The following RAB12 variants were observed in gnomAD, a reference collection of about 807,000 sequenced individuals.
The protein encoded by RAB12 is ras-related protein Rab-12.
In RAB12, 11 loss-of-function variants were observed where a neutral mutation model predicts 28.4. The ratio of observed to expected loss-of-function variants is 0.39; its 90% confidence interval spans 0.24 to 0.64. The LOEUF (loss-of-function observed/expected upper bound fraction) is 0.64. Among genes scored for constraint, RAB12 ranks in the 30% least tolerant of loss-of-function variants. The pLI is 0.50. For synonymous variants in RAB12, 138 were observed against 145.3 expected (o/e 0.95, Z 0.36); for missense variants, 276 against 351.1 (o/e 0.79, Z 1.71).
intron 1 of RAB12, among the ~76,000 whole-genome samples, chr18:8,613,705 C>T (rs921871669): frequency 1.3e-5 from 2 of 152,172 alleles, no homozygotes; most frequent in African/African-American, 4.8e-5. Context: ...CTTGCTCCAA[C>T]AGCATTGCAT....
Position 8,638,325 on chromosome 18 carries a change from C to T in RAB12, c.*63C>T. On this transcript the variant is annotated 3_prime_UTR_variant, in exon 6 of 6. Transcript: ENST00000649141. ...AAAGGGGAAAAAACGTTCTATTCTG[C>T]ACTACAATCATTTTGACAATTTCCT... The T allele has an allele frequency of 8.9e-7, 1 of 1,117,820 alleles. No individual in the cohort carries two copies. Among genetic ancestry groups the T allele is most frequent in the Non-Finnish European group, 1.3e-6 (1 of 740,848 alleles). The allele number at this position is 1,117,820 out of a possible 1,614,324, so 69.2% of individuals were successfully genotyped here. A position where few individuals can be genotyped will look rare whatever the true frequency, so the allele number is the denominator to read the frequency against.
Position 8,638,538 on chromosome 18 carries a change from G to A in RAB12, c.*276G>A, listed in dbSNP as rs551965868. ...TTCTAATATGAAGAATGGGAGAAATGAAAGGTATAATGTTTCTTGAAATAA... is the reference window on the plus strand; with the variant it reads ...TTCTAATATGAAGAATGGGAGAAATAAAAGGTATAATGTTTCTTGAAATAA... On this transcript the variant is annotated 3_prime_UTR_variant, in exon 6 of 6. Coordinates refer to ENST00000649141, the MANE Select transcript of RAB12 (RefSeq NM_001025300.3). 9.6e-6 allele frequency: 3 copies of A among 313,104 alleles called. No homozygotes were observed. Among genetic ancestry groups the A allele is most frequent in the Non-Finnish European group, 1.8e-5 (3 of 169,012 alleles). The allele number at this position is 313,104 out of a possible 1,614,324, so 19.4% of individuals were successfully genotyped here. A position where few individuals can be genotyped will look rare whatever the true frequency, so the allele number is the denominator to read the frequency against.
intron 1 of RAB12, among the ~76,000 whole-genome samples, chr18:8,612,657 G>C (rs1168511481): frequency 2.0e-5 from 3 of 152,096 alleles, no homozygotes; most frequent in Non-Finnish European, 2.9e-5. Context: ...TCCATTAAGA[G>C]CCTTTTTATT....
rs1003179039 is a variant in RAB12 at position 8,638,079 on chromosome 18, G to A, written c.910-70G>A. 5.1e-6 allele frequency: 5 copies of A among 981,338 alleles called. No homozygotes were observed. In the African/African-American group the frequency reaches 8.0e-5, roughly 16 times the overall value. The allele number at this position is 981,338 out of a possible 1,614,324, so 60.8% of individuals were successfully genotyped here. ...GTGGACCTGTGCAGTTGAAACTCAT[G>A]TTCAAGGGTCAGCTGTATGTGTACC... is the stretch of plus-strand genomic sequence containing the variant. On this transcript the variant is annotated intron_variant, in intron 5 of 5. Coordinates refer to ENST00000649141, the MANE Select transcript of RAB12 (RefSeq NM_001025300.3).
At chr18:8,625,090 CCT>C (rs2096011944) in intron 2 of RAB12, 92 bp downstream of exon 2, 6 of 776,722 alleles carry the variant, frequency 7.7e-6, no homozygotes, top group Non-Finnish European at 1.3e-5. Flanking sequence ...AGCTGATTTG[CCT>C]CTCCTACTTT....
intron 2 of RAB12, among the ~76,000 whole-genome samples, chr18:8,626,643 G>A (rs928673341): frequency 2.0e-5 from 3 of 152,210 alleles, no homozygotes; most frequent in Non-Finnish European, 4.4e-5. Flanking sequence ...GAGATAAGAG[G>A]GCCCTACCTG....
At chr18:8,624,889 A>C (rs56371226) in intron 1 of RAB12, 49 bp from the exon 2 acceptor site, 5 of 1,168,042 alleles carry the variant, frequency 4.3e-6, no homozygotes, top group Non-Finnish European at 6.4e-6. Context: ...TTGTATGACA[A>C]ATTGCATCTT....
intron 1 of RAB12, among the ~76,000 whole-genome samples, chr18:8,611,459 A>G (rs2096003757): frequency 6.6e-6 from 1 of 152,114 alleles, no homozygotes; most frequent in South Asian, 2.1e-4. Flanking sequence ...ATGGATGAGC[A>G]AAGGTGTGCT....
chr18:8,624,899 T>G, intron 1 of RAB12, 39 bp from the exon 2 acceptor site: 2 of 1,251,502 alleles, frequency 1.6e-6, no homozygotes, highest in Non-Finnish European at 2.3e-6. Flanking sequence ...AATTGCATCT[T>G]TGTTGTTTTT....
rs1485260571 is a variant in RAB12, at chr18:8,609,630, C to T, written c.191C>T (p.Pro64Leu). ...GAAGCCGAGCCCGGGGCCGACCCCCCGCGCGCGGCGGAGGCCGAGGGGGCG... is the reference window on the plus strand; with the variant it reads ...GAAGCCGAGCCCGGGGCCGACCCCCTGCGCGCGGCGGAGGCCGAGGGGGCG... Reference protein sequence around the residue: ...RAEAEPGADPPRAAEAEGAPG... With the variant: ...RAEAEPGADPLRAAEAEGAPG... The change falls in exon 1 of 6, where the codon CCG becomes CTG. Residue 64 changes from proline to leucine, a missense_variant. Pro to Leu is a moderately conservative substitution (Grantham distance 98). Transcript: ENST00000649141. 5.6e-6 allele frequency: 3 copies of T among 538,854 alleles called. No individual in the cohort carries two copies. Among genetic ancestry groups the T allele is most frequent in the Non-Finnish European group, 7.1e-6 (3 of 424,748 alleles). The allele number at this position is 538,854 out of a possible 1,614,324, so 33.4% of individuals were successfully genotyped here.
chr18:8,614,019 C>A (rs187436831), intron 1 of RAB12, among the ~76,000 whole-genome samples: 8 of 152,258 alleles, frequency 5.3e-5, no homozygotes, highest in South Asian at 2.1e-4. Context: ...GTGGTCAGGG[C>A]CAAGGGCTGC....
At chr18:8,633,349 C>T (rs1209572563) in intron 3 of RAB12, 22 bp downstream of exon 3, 18 of 1,612,188 alleles carry the variant, frequency 1.1e-5, no homozygotes, top group Non-Finnish European at 1.3e-5. Context: ...ATTTTTCTGT[C>T]CAATGTGAAC....
chr18:8,632,599 G>A (rs750592914), intron 2 of RAB12, among the ~76,000 whole-genome samples: 1 of 152,124 alleles, frequency 6.6e-6, no homozygotes, highest in Non-Finnish European at 1.5e-5. Context: ...GGTGGTTAGT[G>A]AGCTCTGAGA....
intron 1 of RAB12, among the ~76,000 whole-genome samples, chr18:8,621,441 G>T (rs1157001537): frequency 1.3e-5 from 2 of 152,170 alleles, no homozygotes; most frequent in African/African-American, 4.8e-5. Context: ...TGTGGTATAG[G>T]TATAGGATAT....
chr18:8,616,038 G>A (rs12455759), intron 1 of RAB12, among the ~76,000 whole-genome samples: 22,117 of 152,162 alleles, frequency 0.15, 1,839 homozygotes, highest in South Asian at 0.2. Flanking sequence ...TGCCAGATAC[G>A]TTGTTCCAAA....
chr18:8,617,893 G>A (rs577061201), intron 1 of RAB12, among the ~76,000 whole-genome samples: 1 of 152,100 alleles, frequency 6.6e-6, no homozygotes, highest in Non-Finnish European at 1.5e-5. Flanking sequence ...TCATAATATT[G>A]TTAATGAATA....
intron 1 of RAB12, among the ~76,000 whole-genome samples, chr18:8,620,160 T>TTTTTTTG (rs2096009056): frequency 2.6e-5 from 2 of 77,068 alleles, no homozygotes; most frequent in Admixed American, 1.4e-4. Context: ...TTTTTTTTTT[T>TTTTTTTG]GCTTCAAAAA....
At chr18:8,637,278 T>A (rs1461269609) in intron 5 of RAB12, among the ~76,000 whole-genome samples, 3 of 144,084 alleles carry the variant, frequency 2.1e-5, no homozygotes, top group African/African-American at 2.6e-5. Context: ...TGTCTCTATT[T>A]AAAAAAAAAA....
chr18:8,628,953 C>A (rs2096014401), intron 2 of RAB12, among the ~76,000 whole-genome samples: 1 of 152,058 alleles, frequency 6.6e-6, no homozygotes, highest in Non-Finnish European at 1.5e-5. Flanking sequence ...TATGTAATTC[C>A]TAAAATGCTT....
Sources: gnomAD v4.1 joint callset for allele counts (sites outside exome capture counted in the v4.1 genomes callset) on GRCh38, gnomAD v4.1.1 for gene constraint, MANE v1.5 for transcripts, NCBI Gene and HGNC (gene_info 2026-07-23, HGNC 2026-07-21) for gene names.